Variants in AMOT observed in about 807,000 individuals in gnomAD.
The protein encoded by AMOT is angiomotin.
AMOT carries 11 observed loss-of-function variants against 67.0 expected under a neutral mutation model. That is an observed-to-expected ratio of 0.16 (90% CI 0.10 to 0.27). The LOEUF (loss-of-function observed/expected upper bound fraction) is 0.27, where lower values mean the gene tolerates loss of function less well. AMOT is among the 10% of genes least tolerant of loss of function. AMOT has a pLI of 1.00. For synonymous variants in AMOT, 326 were observed against 321.4 expected (o/e 1.01, Z -0.15); for missense variants, 753 against 852.0 (o/e 0.88, Z 1.45).
At chrX:112,794,717 A>G (rs900258096) in intron 8 of AMOT, among the ~76,000 whole-genome samples, 1 of 112,473 alleles carries the variant, frequency 8.9e-6, no homozygotes, top group African/African-American at 3.2e-5. Flanking sequence ...AGTCATGACA[A>G]ATCATGATGT....
Position 112,776,552 on chromosome X carries a change from T to C in AMOT, c.*2015A>G, listed in dbSNP as rs770634572. On this transcript the variant is annotated 3_prime_UTR_variant, in exon 14 of 14. Transcript: ENST00000371959. ...AGCTGAAAATCACATCACCCTCCTT[T>C]ATGTCTCTACACACACACAGGCACA... 1.8e-5 allele frequency: 2 copies of C among 111,740 alleles called. No individual in the cohort carries two copies. The highest frequency in any genetic ancestry group is 3.8e-5 in the Non-Finnish European group (2 of 53,114). The allele number at this position is 111,740 out of a possible 1,213,427, so 9.2% of individuals were successfully genotyped here. A position where few individuals can be genotyped will look rare whatever the true frequency, so the allele number is the denominator to read the frequency against.
At chrX:112,797,844 G>A (rs1374449184) in intron 8 of AMOT, among the ~76,000 whole-genome samples, 11 of 106,270 alleles carry the variant, frequency 1.0e-4, no homozygotes, top group Non-Finnish European at 1.9e-4. Flanking sequence ...AGAAGGAGAA[G>A]AGGAAGAAGA....
chrX:112,787,307 C>CAAAT (rs1306162133), intron 10 of AMOT, among the ~76,000 whole-genome samples: 5 of 111,485 alleles, frequency 4.5e-5, no homozygotes, highest in Non-Finnish European at 9.4e-5. Flanking sequence ...TGCATATATC[C>CAAAT]AAATATGCAT....
intron 1 of AMOT, among the ~76,000 whole-genome samples, chrX:112,836,855 G>A (rs1304393316): frequency 4.1e-5 from 4 of 98,043 alleles, no homozygotes; most frequent in Non-Finnish European, 8.2e-5. Context: ...ATAAGAACTG[G>A]CTCTCAAAAT....
intron 10 of AMOT, among the ~76,000 whole-genome samples, chrX:112,785,215 T>C (rs1443121581): frequency 8.9e-6 from 1 of 112,333 alleles, no homozygotes; most frequent in Non-Finnish European, 1.9e-5. Context: ...AAACTGCATA[T>C]TCCTGATGTT....
chrX:112,829,712 A>G (rs990538981), intron 2 of AMOT, among the ~76,000 whole-genome samples: 2 of 112,193 alleles, frequency 1.8e-5, no homozygotes, highest in Non-Finnish European at 3.8e-5. Flanking sequence ...ATGGTAACTC[A>G]AGGTCTTGGT....
At chrX:112,797,880 AAGAGAGAG>A (rs202086183) in intron 8 of AMOT, among the ~76,000 whole-genome samples, 14 of 108,544 alleles carry the variant, frequency 1.3e-4, no homozygotes, top group Non-Finnish European at 2.7e-4. Context: ...AATAGAAAGA[AAGAGAGAG>A]AGAGAAAGAG....
In AMOT at chrX:112,815,817, A is replaced by T. The variant is rs1934536527; in HGVS notation, c.933T>A (p.Thr311=). Residue 311 remains threonine, a synonymous_variant, in exon 5 of 14, where the codon ACT becomes ACA. Transcript: ENST00000371959. ...AGGACCCCCCAGAGGTCAGAGAAGA[A>T]GTAGGGCTGTGAGGCTGCGAGTTCC... is the stretch of plus-strand genomic sequence containing the variant. ...SARNSQPHSP[T]SSLTSGGSLP... is the part of the protein sequence containing the mutation. The T allele has an allele frequency of 8.6e-7, 1 of 1,167,351 alleles. No homozygotes were observed. Among genetic ancestry groups the T allele is most frequent in the African/African-American group, 1.8e-5 (1 of 56,137 alleles).
intron 8 of AMOT, among the ~76,000 whole-genome samples, chrX:112,797,855 GA>G (rs1221718699): frequency 9.8e-6 from 1 of 102,075 alleles, no homozygotes; most frequent in Admixed American, 1.1e-4. Flanking sequence ...AGGAAGAAGA[GA>G]AAAAAAGAAA....
chrX:112,801,641 T>C (rs1462614546), intron 8 of AMOT, among the ~76,000 whole-genome samples: 1 of 112,013 alleles, frequency 8.9e-6, no homozygotes, highest in Non-Finnish European at 1.9e-5. Flanking sequence ...ACAGTGATTG[T>C]AGAGAACCTC....
intron 10 of AMOT, among the ~76,000 whole-genome samples, chrX:112,783,211 C>T (rs1403031865): frequency 9.3e-6 from 1 of 107,465 alleles, no homozygotes; most frequent in Non-Finnish European, 1.9e-5. Flanking sequence ...AGGAGAATCA[C>T]TTGAACCCGG....
rs918965975 is a variant in AMOT at position 112,779,566 on chromosome X, C to A, written c.2588G>T (p.Ser863Ile). Residue 863 changes from serine (S) to isoleucine (I), a missense_variant, in exon 13 of 14, where the codon AGT (serine) becomes ATT (isoleucine). Coordinates refer to ENST00000371959, the MANE Select transcript of AMOT (RefSeq NM_001113490.2). ...TTCCGTCCCACGTTCAGTTTGGGTA[C>A]TGCAGTCTCGGCTGCCTGTCTTGGA... ...AHSKTGSRDC[S>I]TQTERGTESN... The A allele has an allele frequency of 8.3e-7, 1 of 1,211,331 alleles. No homozygotes were observed. Among genetic ancestry groups the A allele is most frequent in the East Asian group, 3.0e-5 (1 of 33,815 alleles).
chrX:112,814,516 A>G (rs971292362), intron 5 of AMOT, among the ~76,000 whole-genome samples: 18 of 109,575 alleles, frequency 1.6e-4, no homozygotes, highest in African/African-American at 6.0e-4. Flanking sequence ...CCAAACCACA[A>G]TAGCTCCACA....
intron 7 of AMOT, among the ~76,000 whole-genome samples, chrX:112,808,057 T>G (rs1934247064): frequency 8.9e-6 from 1 of 112,245 alleles, no homozygotes; most frequent in African/African-American, 3.2e-5. Flanking sequence ...GCTCTTCATC[T>G]GGAGACTTAA....
At chrX:112,807,323 C>T (rs766313202) in intron 7 of AMOT, among the ~76,000 whole-genome samples, 1 of 110,545 alleles carries the variant, frequency 9.0e-6, no homozygotes, top group African/African-American at 3.3e-5. Context: ...TTTACTATCA[C>T]ATCCTGAAAG....
rs1275204637 is a variant in AMOT, at chrX:112,838,726, G to GT, written c.-289+1725dup. ...AGGTAAACAGATCCACAAATTTCAT[G>GT]TAAAAGTGACTCCACATACAATTGT... On this transcript the variant is annotated intron_variant, in intron 1 of 13. Coordinates refer to ENST00000371959, the MANE Select transcript of AMOT (RefSeq NM_001113490.2). Among the ~76,000 whole-genome samples, 35 of 112,475 alleles carry GT rather than the reference G, an allele frequency of 3.1e-4. 1 individual carries two copies. The highest frequency in any genetic ancestry group is 1.5e-3 in the Admixed American group (16 of 10,687).
At chrX:112,814,894 G>A (rs1166761123) in intron 5 of AMOT, among the ~76,000 whole-genome samples, 1 of 111,959 alleles carries the variant, frequency 8.9e-6, no homozygotes, top group African/African-American at 3.2e-5. Context: ...CCAGAACAAG[G>A]CAGGACTGCT....
At position 112,810,481 on chromosome X, in the gene AMOT, G is replaced by A. The variant is rs145554809; in HGVS notation, c.1538-495C>T. 5.0e-3 allele frequency among the ~76,000 whole-genome samples: 563 copies of A among 111,561 alleles called. 2 individuals are homozygous for A. Among genetic ancestry groups the A allele is most frequent in the African/African-American group, 0.017 (531 of 30,662 alleles). On this transcript the variant is annotated intron_variant, in intron 6 of 13. Coordinates refer to ENST00000371959, the MANE Select transcript of AMOT (RefSeq NM_001113490.2). ...CCCAGCACTTTGGGAGGCCACGGTG[G>A]GTGGATCACCTGAGGTCAGGAGTTT... is the stretch of plus-strand genomic sequence containing the variant.
chrX:112,838,438 C>T (rs896158532), intron 1 of AMOT, among the ~76,000 whole-genome samples: 2 of 111,937 alleles, frequency 1.8e-5, no homozygotes, highest in Non-Finnish European at 3.8e-5. Flanking sequence ...CAGATGTACC[C>T]ACTTAGAATT....
Sources: allele counts gnomAD v4.1 joint callset (sites outside exome capture counted in the v4.1 genomes callset), GRCh38; gene constraint gnomAD v4.1.1; transcripts MANE v1.5; gene names NCBI Gene and HGNC (gene_info 2026-07-23, HGNC 2026-07-21).